The following GUCY1A2 variants were observed in gnomAD, a reference collection of about 807,000 sequenced individuals.
The protein encoded by GUCY1A2 is guanylate cyclase 1 soluble subunit alpha 2.
A neutral mutation model predicts 63.5 loss-of-function variants in GUCY1A2; 27 were observed. That is an observed-to-expected ratio of 0.43 (90% confidence interval 0.31 to 0.59). The LOEUF is 0.59. Among genes scored for constraint, GUCY1A2 ranks in the 20% least tolerant of loss-of-function variants. The pLI is 0.11. For synonymous variants in GUCY1A2, 364 were observed against 343.5 expected, an observed-to-expected ratio of 1.06 and a Z score of -0.66; for missense variants, 768 against 913.3, an observed-to-expected ratio of 0.84 and a Z score of 2.05.
intron 1 of GUCY1A2, among the ~76,000 whole-genome samples, chr11:107,010,476 T>G (rs1861728012): frequency 6.6e-6 from 1 of 151,930 alleles, no homozygotes; most frequent in Non-Finnish European, 1.5e-5. Context: ...ACTCAAAGAG[T>G]CCAAGGAGGA....
intron 3 of GUCY1A2, among the ~76,000 whole-genome samples, chr11:106,948,473 G>C (rs1860860504): frequency 1.3e-5 from 2 of 152,002 alleles, no homozygotes; most frequent in African/African-American, 4.8e-5. Context: ...TGAGATTCAA[G>C]TCTTAATAAG....
intron 3 of GUCY1A2, among the ~76,000 whole-genome samples, chr11:106,974,707 C>G (rs963054742): frequency 3.3e-5 from 5 of 152,062 alleles, no homozygotes; most frequent in African/African-American, 1.2e-4. Context: ...AGCATTGCTC[C>G]CATTCTGACT....
chr11:106,927,420 A>C (rs183648248), intron 4 of GUCY1A2, among the ~76,000 whole-genome samples: 2 of 152,254 alleles, frequency 1.3e-5, no homozygotes, highest in African/African-American at 4.8e-5. Context: ...AACTATAAAT[A>C]ATTTATTAGG....
intron 6 of GUCY1A2, among the ~76,000 whole-genome samples, chr11:106,718,923 A>T (rs917192988): frequency 6.6e-6 from 1 of 152,164 alleles, no homozygotes. Context: ...TTTGATTCTC[A>T]TATGTAGAAA....
At position 106,689,379 on chromosome 11, in the gene GUCY1A2, C is replaced by T. The variant is rs556801765; in HGVS notation, c.1992-1623G>A. On this transcript the variant is annotated intron_variant, in intron 7 of 7. Coordinates refer to ENST00000526355, the MANE Select transcript of GUCY1A2 (RefSeq NM_000855.3). ...ATTCGGTATATAAAAAACAAGTCTC[C>T]TTCTAACATTTCAAAATTCTTTCAA... Among the ~76,000 whole-genome samples the T allele has an allele frequency of 2.1e-3, 321 of 152,086 alleles. 1 individual carries two copies. Among genetic ancestry groups the T allele is most frequent in the African/African-American group, 7.5e-3 (312 of 41,484 alleles).
At chr11:106,951,991 G>C (rs981217582) in intron 3 of GUCY1A2, among the ~76,000 whole-genome samples, 1 of 152,150 alleles carries the variant, frequency 6.6e-6, no homozygotes. Flanking sequence ...TACTAAATAG[G>C]AGATCCTTTC....
chr11:106,910,290 A>G (rs1860275066), intron 4 of GUCY1A2, among the ~76,000 whole-genome samples: 1 of 152,030 alleles, frequency 6.6e-6, no homozygotes, highest in South Asian at 2.1e-4. Flanking sequence ...TTATATTTCA[A>G]AATGCATGTA....
intron 4 of GUCY1A2, among the ~76,000 whole-genome samples, chr11:106,917,005 T>A (rs574322998): frequency 1.4e-5 from 2 of 145,558 alleles, no homozygotes; most frequent in African/African-American, 2.4e-5. Context: ...GAATACAAGA[T>A]GAAAAACAAA....
At chr11:106,829,684 G>T (rs1859024801) in intron 4 of GUCY1A2, among the ~76,000 whole-genome samples, 1 of 152,140 alleles carries the variant, frequency 6.6e-6, no homozygotes, top group African/African-American at 2.4e-5. Flanking sequence ...GCTAAGAAGG[G>T]AGTTACAGTG....
At chr11:106,698,665 T>A (rs1862765282) in intron 7 of GUCY1A2, among the ~76,000 whole-genome samples, 1 of 152,166 alleles carries the variant, frequency 6.6e-6, no homozygotes, top group Admixed American at 6.5e-5. Flanking sequence ...ATTACAGACT[T>A]TATTCAGATT....
At chr11:106,744,244 C>CTTTTTTT (rs5794491) in intron 6 of GUCY1A2, among the ~76,000 whole-genome samples, 2 of 112,670 alleles carry the variant, frequency 1.8e-5, no homozygotes, top group Admixed American at 9.8e-5. Context: ...AACATAAATG[C>CTTTTTTT]TTTTTTTTTT....
intron 4 of GUCY1A2, among the ~76,000 whole-genome samples, chr11:106,836,076 T>C (rs1260590638): frequency 6.6e-6 from 1 of 151,966 alleles, no homozygotes; most frequent in Non-Finnish European, 1.5e-5. Flanking sequence ...AAATGAAAAG[T>C]TTTATAAACC....
intron 1 of GUCY1A2, among the ~76,000 whole-genome samples, chr11:107,004,471 C>A (rs1308627774): frequency 6.6e-6 from 1 of 152,026 alleles, no homozygotes; most frequent in Non-Finnish European, 1.5e-5. Flanking sequence ...TATTCTCTTT[C>A]TTTTCCAAGC....
intron 4 of GUCY1A2, among the ~76,000 whole-genome samples, chr11:106,840,474 T>C (rs927295943): frequency 6.6e-6 from 1 of 151,954 alleles, no homozygotes; most frequent in Admixed American, 6.6e-5. Context: ...TTGGTTGTGA[T>C]TTACCTTCTC....
intron 5 of GUCY1A2, among the ~76,000 whole-genome samples, chr11:106,782,978 C>T (rs977542957): frequency 7.9e-5 from 12 of 152,094 alleles, no homozygotes; most frequent in South Asian, 4.1e-4. Context: ...TGAAAATCTA[C>T]GTGATTGTGG....
chr11:106,743,301 T>C lies in GUCY1A2; in HGVS notation c.1836+33138A>G, dbSNP rs546506016. On this transcript the variant is annotated intron_variant, in intron 6 of 7. Transcript: ENST00000526355. ...CTTCCCGCTTGAAAAAGGTCACGAGTTCTCAGGTGACCACAATGGTTCTAA... is the reference window on the plus strand; with the variant it reads ...CTTCCCGCTTGAAAAAGGTCACGAGCTCTCAGGTGACCACAATGGTTCTAA... Among the ~76,000 whole-genome samples the C allele has an allele frequency of 7.9e-5, 12 of 152,150 alleles. No individual in the cohort carries two copies. The South Asian group carries it at 2.5e-3, about 32-fold the overall frequency.
intron 4 of GUCY1A2, among the ~76,000 whole-genome samples, chr11:106,817,518 TA>T (rs1222350368): frequency 1.3e-5 from 2 of 151,946 alleles, no homozygotes; most frequent in Non-Finnish European, 2.9e-5. Flanking sequence ...TCTATCAAAT[TA>T]AAAAGCTTCA....
rs1271153867 is a variant in GUCY1A2 at position 106,685,557 on chromosome 11, C to G, written c.*1992G>C. On this transcript the variant is annotated 3_prime_UTR_variant, in exon 8 of 8. Transcript: ENST00000526355. The stretch of plus-strand genomic sequence containing the variant: ...ATATACCATAATAAGTTCTAAGTTA[C>G]TGAAGACAATAGGCATAAATGACAT... The G allele has an allele frequency of 4.4e-6, 1 of 227,376 alleles. No individual in the cohort carries two copies. Among genetic ancestry groups the G allele is most frequent in the East Asian group, 6.3e-5 (1 of 15,890 alleles). 14.1% of individuals were successfully genotyped at this position (227,376 alleles called of 1,614,324 possible).
Position 106,675,037 on chromosome 11 carries a change from C to G in GUCY1A2, c.*12512G>C. 2 of 211,890 alleles carry G rather than the reference C, an allele frequency of 9.4e-6. No individual in the cohort carries two copies. Among genetic ancestry groups the G allele is most frequent in the Non-Finnish European group, 1.9e-5 (2 of 104,594 alleles). 13.1% of individuals were successfully genotyped at this position (211,890 alleles called of 1,614,324 possible). A position where few individuals can be genotyped will look rare whatever the true frequency, so the allele number is the denominator to read the frequency against. The stretch of plus-strand genomic sequence containing the variant: ...TACTATTAGGATGATATTTAAAGTA[C>G]TGTTTGGGAAATGAGACCCTTTGGT... On this transcript the variant is annotated 3_prime_UTR_variant, in exon 8 of 8. Coordinates refer to ENST00000526355, the MANE Select transcript of GUCY1A2 (RefSeq NM_000855.3).
Sources: allele counts gnomAD v4.1 joint callset (sites outside exome capture counted in the v4.1 genomes callset), GRCh38; gene constraint gnomAD v4.1.1; transcripts MANE v1.5; gene names NCBI Gene and HGNC (gene_info 2026-07-23, HGNC 2026-07-21).